The following GSE1 variants were observed in gnomAD, a reference collection of about 807,000 sequenced individuals.
GSE1 encodes Gse1 coiled-coil protein.
GSE1 carries 32 observed loss-of-function variants against 112.6 expected under a neutral mutation model. That is an observed-to-expected ratio of 0.28 (90% CI 0.21 to 0.38). The LOEUF (loss-of-function observed/expected upper bound fraction) is 0.38. Among genes scored for constraint, GSE1 ranks in the 10% least tolerant of loss-of-function variants. The pLI is 1.00. For synonymous variants in GSE1, 1,115 were observed against 735.6 expected (o/e 1.52, Z -8.35); for missense variants, 2,348 against 1,699.2 (o/e 1.38, Z -6.71).
intron 1 of GSE1, among the ~76,000 whole-genome samples, chr16:85,213,967 A>G (rs2075268365): frequency 6.6e-6 from 1 of 152,220 alleles, no homozygotes; most frequent in Non-Finnish European, 1.5e-5. Context: ...CATGAGACAG[A>G]GAAAAAGAGA....
chr16:85,379,914 C>T (rs1597540788), intron 2 of GSE1, among the ~76,000 whole-genome samples: 1 of 152,234 alleles, frequency 6.6e-6, no homozygotes, highest in African/African-American at 2.4e-5. Flanking sequence ...CCTTGGCCTG[C>T]CTGTCCATGC....
At chr16:85,651,744 C>T (rs550558492) in intron 3 of GSE1, among the ~76,000 whole-genome samples, 17 of 152,342 alleles carry the variant, frequency 1.1e-4, no homozygotes, top group East Asian at 7.7e-4. Flanking sequence ...TGTCGTCTCC[C>T]TCCTGCCCTG....
intron 1 of GSE1, among the ~76,000 whole-genome samples, chr16:85,206,075 G>C (rs1352553668): frequency 6.6e-6 from 1 of 152,110 alleles, no homozygotes; most frequent in African/African-American, 2.4e-5. Context: ...GGCAGGTAGG[G>C]AACTGACTTC....
At chr16:85,437,295 AG>A (rs2049271652) in intron 2 of GSE1, among the ~76,000 whole-genome samples, 1 of 152,038 alleles carries the variant, frequency 6.6e-6, no homozygotes, top group Non-Finnish European at 1.5e-5. Context: ...GAAGTGGGGG[AG>A]GGGCGAGGAG....
intron 1 of GSE1, among the ~76,000 whole-genome samples, chr16:85,174,169 C>T (rs2074414478): frequency 2.6e-5 from 4 of 152,150 alleles, no homozygotes; most frequent in Non-Finnish European, 5.9e-5. Flanking sequence ...GTTCAGCCTC[C>T]GTGGGCGGGA....
intron 1 of GSE1, among the ~76,000 whole-genome samples, chr16:85,177,785 C>G (rs535355613): frequency 6.6e-6 from 1 of 152,264 alleles, no homozygotes; most frequent in Admixed American, 6.5e-5. Flanking sequence ...CCATGGGGTT[C>G]TGTCCCTTGG....
intron 13 of GSE1, chr16:85,666,575 G>A (rs1567762122): frequency 8.7e-6 from 5 of 576,192 alleles, no homozygotes; most frequent in Non-Finnish European, 1.5e-5. Context: ...CACCAGCGCT[G>A]ACGCTGTGCT....
At chr16:85,316,719 C>A (rs529842743) in intron 1 of GSE1, among the ~76,000 whole-genome samples, 1 of 152,368 alleles carries the variant, frequency 6.6e-6, no homozygotes, top group South Asian at 2.1e-4. Context: ...GTCCCAACCC[C>A]CATGGGGCTC....
chr16:85,557,980 C>T (rs1378732489), intron 1 of GSE1, among the ~76,000 whole-genome samples: 26 of 151,494 alleles, frequency 1.7e-4, no homozygotes, highest in Non-Finnish European at 2.9e-5. Flanking sequence ...TTTTCTCCTC[C>T]TCTGCCTGAA....
intron 1 of GSE1, among the ~76,000 whole-genome samples, chr16:85,233,758 T>C (rs1012324166): frequency 4.6e-5 from 7 of 152,182 alleles, no homozygotes; most frequent in Admixed American, 1.3e-4. Context: ...CATCAGACGC[T>C]CCTGGCAGGT....
chr16:85,668,328 G>A lies in GSE1; in HGVS notation c.3319G>A (p.Glu1107Lys), dbSNP rs1032538253. 2 of 1,613,232 alleles carry A rather than the reference G, an allele frequency of 1.2e-6. No individual in the cohort carries two copies. The highest frequency in any genetic ancestry group is 1.3e-5 in the African/African-American group (1 of 75,014). Residue 1107 changes from glutamate to lysine, a missense_variant, in exon 14 of 16, where the codon GAG (glutamate) becomes AAG (lysine). Coordinates refer to ENST00000253458, the MANE Select transcript of GSE1 (RefSeq NM_014615.5). Reference sequence around the variant, plus strand: ...CCGGGACTCGGAGGAGGAGGAAGAGGAGGATGATGAAGATGGAGAAGATGA... The same window carrying A: ...CCGGGACTCGGAGGAGGAGGAAGAGAAGGATGATGAAGATGGAGAAGATGA... ...LDRDSEEEEE[E>K]DDEDGEDEEE... is the part of the protein sequence containing the mutation.
At chr16:85,344,163 G>T (rs1413776115) in intron 1 of GSE1, among the ~76,000 whole-genome samples, 1 of 152,198 alleles carries the variant, frequency 6.6e-6, no homozygotes, top group East Asian at 1.9e-4. Flanking sequence ...TGGCACTAAT[G>T]GACATGGGGT....
intron 15 of GSE1, 78 bp from the exon 16 acceptor site, chr16:85,672,327 T>C: frequency 1.9e-6 from 2 of 1,056,698 alleles, no homozygotes; most frequent in African/African-American, 1.6e-5. Flanking sequence ...TACCCTTCCA[T>C]CCAGCATGTT....
intron 1 of GSE1, chr16:85,282,832 T>C (rs1239267038): frequency 6.6e-6 from 1 of 152,288 alleles, no homozygotes; most frequent in Non-Finnish European, 1.5e-5. Context: ...GCATAACGAA[T>C]CACTCCCAAA....
chr16:85,665,986 G>A lies in GSE1; in HGVS notation c.2769G>A (p.Thr923=), dbSNP rs769458479. 21 of 1,612,904 alleles carry A rather than the reference G, an allele frequency of 1.3e-5. No homozygotes were observed. The highest frequency in any genetic ancestry group is 6.6e-5 in the South Asian group (6 of 91,070). Residue 923 remains threonine, a synonymous_variant, in exon 13 of 16, where the codon ACG becomes ACA. Transcript: ENST00000253458. ...SPAVSLSEPA[T]QQASLDVEKP... is the part of the protein sequence containing the mutation. ...CTTTGTCTCTAAAAGAACCAGCCAC[G>A]CAGCAAGCCTCTCTGGATGTGGAGA...
chr16:85,414,526 A>G (rs2048659667), intron 2 of GSE1, among the ~76,000 whole-genome samples: 1 of 152,214 alleles, frequency 6.6e-6, no homozygotes, highest in Admixed American at 6.5e-5. Flanking sequence ...GTGGGTCCCA[A>G]CACCCACGCT....
chr16:85,377,488 C>G (rs148201896), intron 2 of GSE1, among the ~76,000 whole-genome samples: 1 of 152,224 alleles, frequency 6.6e-6, no homozygotes, highest in Non-Finnish European at 1.5e-5. Flanking sequence ...CCTACCCTCT[C>G]TGTGCCTTAG....
At chr16:85,363,279 G>A (rs1468428257) in intron 2 of GSE1, among the ~76,000 whole-genome samples, 1 of 152,174 alleles carries the variant, frequency 6.6e-6, no homozygotes, top group Non-Finnish European at 1.5e-5. Context: ...GCCATACTGG[G>A]GTGTTGCCTT....
chr16:85,223,941 A>G (rs1380946670), intron 1 of GSE1, among the ~76,000 whole-genome samples: 2 of 152,150 alleles, frequency 1.3e-5, no homozygotes, highest in African/African-American at 4.8e-5. Context: ...CAGTTCAGTG[A>G]CATTTAGCCC....
Sources: gnomAD v4.1 joint callset for allele counts (sites outside exome capture counted in the v4.1 genomes callset) on GRCh38, gnomAD v4.1.1 for gene constraint, MANE v1.5 for transcripts, NCBI Gene and HGNC (gene_info 2026-07-23, HGNC 2026-07-21) for gene names.